The following WDR59 variants were observed in gnomAD, a reference collection of about 807,000 sequenced individuals.
WDR59 encodes the protein GATOR2 complex protein WDR59.
In WDR59, 100 loss-of-function variants were observed where a neutral mutation model predicts 131.2. That is an observed-to-expected ratio of 0.76 (90% confidence interval 0.65 to 0.90). The LOEUF (loss-of-function observed/expected upper bound fraction) is 0.90, where lower values mean the gene tolerates loss of function less well. Among genes scored for constraint, WDR59 ranks in the 40% least tolerant of loss-of-function variants. WDR59 has a pLI of 0.00. For missense variants in WDR59, 1,203 were observed against 1,262.2 expected (o/e 0.95, Z 0.71); for synonymous variants, 601 against 466.2 (o/e 1.29, Z -3.72).
intron 20 of WDR59, among the ~76,000 whole-genome samples, chr16:74,891,527 T>C (rs1965043647): frequency 6.6e-6 from 1 of 152,258 alleles, no homozygotes; most frequent in Non-Finnish European, 1.5e-5. Flanking sequence ...ATTTCCTCAC[T>C]GATAATACAC....
chr16:74,962,446 CCT>C (rs1427689021), intron 2 of WDR59, among the ~76,000 whole-genome samples: 1 of 152,090 alleles, frequency 6.6e-6, no homozygotes. Context: ...TTGTTTCTGT[CCT>C]CTCTGATTTC....
intron 1 of WDR59, 110 bp from the exon 2 acceptor site, chr16:74,965,932 C>A: frequency 1.8e-6 from 2 of 1,123,874 alleles, no homozygotes; most frequent in East Asian, 4.8e-5. Context: ...CCCCAGCTCG[C>A]AGGTATCATT....
At chr16:74,884,623 C>T (rs980381266) in intron 25 of WDR59, among the ~76,000 whole-genome samples, 1 of 152,234 alleles carries the variant, frequency 6.6e-6, no homozygotes, top group African/African-American at 2.4e-5. Context: ...GCTGGGATTA[C>T]AGGCGTAAGT....
In WDR59 at chr16:74,981,643, TATATATATA is replaced by T. The variant is rs2034422511; in HGVS notation, c.54+3312_54+3320del. Among the ~76,000 whole-genome samples the T allele has an allele frequency of 3.0e-3, 68 of 22,612 alleles. 6 individuals carry two copies. Among genetic ancestry groups the T allele is most frequent in the African/African-American group, 6.7e-3 (33 of 4,898 alleles). The allele number at this position is 22,612 out of a possible 152,430, so 14.8% of individuals were successfully genotyped here. On this transcript the variant is annotated intron_variant, in intron 1 of 25. Transcript: ENST00000262144. ...ATATATATATATATATATATATATA[TATATATATA>T]TATATATATTTTTTTTTTTTTTAGA...
chr16:74,879,827 C>T (rs574722994), intron 25 of WDR59, among the ~76,000 whole-genome samples: 4 of 152,140 alleles, frequency 2.6e-5, no homozygotes, highest in Non-Finnish European at 4.4e-5. Context: ...CAAAAATGCT[C>T]AGAACAATGG....
At chr16:74,923,885 A>T (rs1016938988) in intron 9 of WDR59, 41 bp downstream of exon 9, 16 of 1,576,664 alleles carry the variant, frequency 1.0e-5, no homozygotes, top group Admixed American at 1.8e-5. Context: ...TGGAACACCC[A>T]AAAAGAAGTT....
intron 8 of WDR59, among the ~76,000 whole-genome samples, chr16:74,934,027 G>C (rs899006506): frequency 2.6e-5 from 4 of 152,024 alleles, no homozygotes; most frequent in Non-Finnish European, 5.9e-5. Flanking sequence ...ACTATAATTC[G>C]CCCCTCAACT....
At chr16:74,894,507 C>T (rs1287056467) in intron 18 of WDR59, among the ~76,000 whole-genome samples, 1 of 152,078 alleles carries the variant, frequency 6.6e-6, no homozygotes, top group Admixed American at 6.6e-5. Context: ...TGAGAGATGT[C>T]CTGAAAAACT....
At chr16:74,934,405 C>A (rs2031637242) in intron 8 of WDR59, among the ~76,000 whole-genome samples, 1 of 152,066 alleles carries the variant, frequency 6.6e-6, no homozygotes, top group African/African-American at 2.4e-5. Context: ...TTAGAGGACC[C>A]TGGAGATTTG....
intron 1 of WDR59, among the ~76,000 whole-genome samples, chr16:74,980,023 TGTATTTTTA>T (rs1318988258): frequency 4.0e-5 from 6 of 150,334 alleles, no homozygotes; most frequent in African/African-American, 7.3e-5. Flanking sequence ...TAATTTTTAT[TGTATTTTTA>T]GTATTTTTAG....
chr16:74,946,155 T>G (rs903705900), intron 6 of WDR59, among the ~76,000 whole-genome samples: 1 of 152,182 alleles, frequency 6.6e-6, no homozygotes, highest in Non-Finnish European at 1.5e-5. Flanking sequence ...TTACAACTGT[T>G]CTATTTTATT....
At position 74,912,329 on chromosome 16, in the gene WDR59, C is replaced by A. The variant is rs1966138761; in HGVS notation, c.1258G>T (p.Val420Leu). ...TTGACACGATGGTTGCTGCAGTGCA[C>A]AGACACTGTGCAGCTCCTGTCTGCC... ...DAADRSCTVS[V>L]HCSNHRVKML... Residue 420 changes from valine to leucine, a missense_variant, in exon 14 of 26, where the codon GTG becomes TTG. By Grantham distance (32) the Val-to-Leu change is conservative. Transcript: ENST00000262144. 2 of 1,614,054 alleles carry A rather than the reference C, an allele frequency of 1.2e-6. No individual in the cohort carries two copies. The highest frequency in any genetic ancestry group is 1.1e-5 in the South Asian group (1 of 91,072).
chr16:74,874,490 A>C, intron 25 of WDR59, 46 bp from the exon 26 acceptor site: 6 of 1,572,076 alleles, frequency 3.8e-6, no homozygotes, highest in Non-Finnish European at 5.2e-6. Flanking sequence ...GCATGAGTTT[A>C]GTTCTGAAAA....
At chr16:74,984,858 G>C (rs548032066) in intron 1 of WDR59, 106 bp downstream of exon 1, 142 of 1,507,220 alleles carry the variant, frequency 9.4e-5, no homozygotes, top group Admixed American at 4.7e-4. Context: ...TCCTCAGTAC[G>C]GGGCCTAGGG....
intron 20 of WDR59, among the ~76,000 whole-genome samples, chr16:74,891,237 T>C (rs1965030003): frequency 6.6e-6 from 1 of 151,644 alleles, no homozygotes; most frequent in South Asian, 2.1e-4. Flanking sequence ...AGAAAGAAGA[T>C]ATGGACTTTG....
At chr16:74,931,542 G>A (rs1197138990) in intron 8 of WDR59, among the ~76,000 whole-genome samples, 2 of 152,016 alleles carry the variant, frequency 1.3e-5, no homozygotes, top group East Asian at 1.9e-4. Flanking sequence ...TTGCCATGTT[G>A]CCCAGGCTGG....
At chr16:74,959,518 T>G in intron 2 of WDR59, 6 of 453,560 alleles carry the variant, frequency 1.3e-5, no homozygotes, top group South Asian at 7.8e-5. Context: ...GAACTCTTAG[T>G]GCTGCAGGCC....
chr16:74,911,071 C>T (rs1044045005), intron 14 of WDR59, among the ~76,000 whole-genome samples: 5 of 152,234 alleles, frequency 3.3e-5, no homozygotes, highest in Admixed American at 2.6e-4. Flanking sequence ...ACCATGTTGC[C>T]CAGGCTGGTC....
At chr16:74,949,671 C>G in intron 5 of WDR59, 47 bp downstream of exon 5, 1 of 1,569,100 alleles carries the variant, frequency 6.4e-7, no homozygotes, top group Non-Finnish European at 8.7e-7. Flanking sequence ...AAACAAAGGT[C>G]CCAAATCACC....
Sources: allele counts gnomAD v4.1 joint callset (sites outside exome capture counted in the v4.1 genomes callset), GRCh38; gene constraint gnomAD v4.1.1; transcripts MANE v1.5; gene names NCBI Gene and HGNC (gene_info 2026-07-23, HGNC 2026-07-21).